OXCT1: variants seen among roughly 807,000 people sequenced by gnomAD.
OXCT1 encodes the protein 3-oxoacid CoA-transferase 1.
OXCT1 carries 27 observed loss-of-function variants against 69.6 expected under a neutral mutation model. The ratio of observed to expected loss-of-function variants is 0.39; its 90% confidence interval spans 0.29 to 0.54. OXCT1 has a LOEUF of 0.54. OXCT1 is among the 20% of genes least tolerant of loss of function. The pLI is 0.72. For synonymous variants in OXCT1, 202 were observed against 217.8 expected, an observed-to-expected ratio of 0.93 and a Z score of 0.64; for missense variants, 437 against 650.2, an observed-to-expected ratio of 0.67 and a Z score of 3.57.
chr5:41,846,112 G>C (rs956160888), intron 5 of OXCT1, among the ~76,000 whole-genome samples: 1 of 150,874 alleles, frequency 6.6e-6, no homozygotes, highest in Non-Finnish European at 1.5e-5. Context: ...ATTTATTTAT[G>C]TATGTATGTA....
chr5:41,847,100 C>A (rs1748949982), intron 5 of OXCT1, among the ~76,000 whole-genome samples: 2 of 151,768 alleles, frequency 1.3e-5, no homozygotes, highest in Non-Finnish European at 2.9e-5. Flanking sequence ...AAGGGGATAT[C>A]ACCACCGATC....
chr5:41,743,209 T>C (rs1743274274), intron 15 of OXCT1, among the ~76,000 whole-genome samples: 1 of 152,232 alleles, frequency 6.6e-6, no homozygotes, highest in Non-Finnish European at 1.5e-5. Flanking sequence ...TGGCTTTGAT[T>C]TGCATTTCTC....
intron 13 of OXCT1, among the ~76,000 whole-genome samples, chr5:41,779,448 C>T (rs1745289558): frequency 6.6e-6 from 1 of 152,166 alleles, no homozygotes; most frequent in Admixed American, 6.5e-5. Flanking sequence ...TGTACAAGCA[C>T]ATATAGAATG....
chr5:41,770,965 G>A (rs1464233663), intron 13 of OXCT1, among the ~76,000 whole-genome samples: 1 of 152,114 alleles, frequency 6.6e-6, no homozygotes, highest in Admixed American at 6.5e-5. Context: ...CTAACACATT[G>A]TCTATTGCAA....
chr5:41,840,622 A>C, intron 6 of OXCT1, 111 bp from the exon 7 acceptor site: 1 of 675,826 alleles, frequency 1.5e-6, no homozygotes, highest in Non-Finnish European at 2.6e-6. Context: ...GAATCTAAGA[A>C]TCTTTCCAAA....
intron 3 of OXCT1, 199 bp from the exon 4 acceptor site, chr5:41,853,753 A>G (rs1348037939): frequency 2.9e-6 from 2 of 684,382 alleles, no homozygotes; most frequent in East Asian, 2.9e-5. Flanking sequence ...GGAAACTAAA[A>G]GTCAAGAAGT....
At chr5:41,770,644 C>T (rs939271077) in intron 13 of OXCT1, among the ~76,000 whole-genome samples, 2 of 152,188 alleles carry the variant, frequency 1.3e-5, no homozygotes, top group African/African-American at 4.8e-5. Context: ...TGAATGCCCT[C>T]TCAATGTTTC....
At chr5:41,830,040 T>C (rs2112360605) in intron 7 of OXCT1, among the ~76,000 whole-genome samples, 1 of 152,338 alleles carries the variant, frequency 6.6e-6, no homozygotes, top group East Asian at 1.9e-4. Context: ...TGGCTAAATA[T>C]GTGGCACAGA....
intron 7 of OXCT1, among the ~76,000 whole-genome samples, chr5:41,811,217 TGTGA>T (rs1220357004): frequency 6.6e-6 from 1 of 151,830 alleles, no homozygotes; most frequent in East Asian, 1.9e-4. Context: ...GAAGAGGAAA[TGTGA>T]GTAAGACCTC....
intron 5 of OXCT1, 35 bp from the exon 6 acceptor site, chr5:41,842,816 G>T (rs1395237575): frequency 1.5e-6 from 2 of 1,356,598 alleles, no homozygotes; most frequent in Admixed American, 1.7e-5. Flanking sequence ...TCAGGTATTT[G>T]CATAGGTCTT....
At chr5:41,739,367 G>A in intron 16 of OXCT1, 23 bp downstream of exon 16, 2 of 1,418,140 alleles carry the variant, frequency 1.4e-6, no homozygotes, top group South Asian at 1.1e-5. Flanking sequence ...CAAGTGTCTG[G>A]ATTTGTTCAC....
chr5:41,733,369 C>G (rs1286573809), intron 16 of OXCT1, among the ~76,000 whole-genome samples: 1 of 151,924 alleles, frequency 6.6e-6, no homozygotes, highest in Non-Finnish European at 1.5e-5. Flanking sequence ...GCCTTAGCCT[C>G]CCAAGTAGCT....
chr5:41,743,047 T>C (rs2112015716), intron 15 of OXCT1, among the ~76,000 whole-genome samples: 1 of 152,326 alleles, frequency 6.6e-6, no homozygotes, highest in East Asian at 1.9e-4. Context: ...CCTTGAGGAA[T>C]CACCACACTG....
chr5:41,753,310 GACACACACACAC>G (rs56169527), intron 14 of OXCT1, among the ~76,000 whole-genome samples: 22 of 149,886 alleles, frequency 1.5e-4, no homozygotes, highest in Non-Finnish European at 2.2e-4. Context: ...CACACACATA[GACACACACACAC>G]ACACACACAC....
chr5:41,870,397 C>G lies in OXCT1; in HGVS notation c.-39G>C, dbSNP rs759807990. ...GGCAGGAGGAGGCTGCGGGTTGGAG[C>G]GCGCGTTTGAGCGTCGGTGCGCGAC... On this transcript the variant is annotated 5_prime_UTR_variant, in exon 1 of 17. Transcript: ENST00000196371. The surrounding 1 kb of genome is among the most constrained non-coding windows in gnomAD (Gnocchi z 4.2). The G allele has an allele frequency of 1.3e-6, 2 of 1,544,488 alleles. No homozygotes were observed. The highest frequency in any genetic ancestry group is 1.8e-6 in the Non-Finnish European group (2 of 1,121,764).
chr5:41,856,418 T>A (rs1399508581), intron 3 of OXCT1, among the ~76,000 whole-genome samples: 1 of 152,196 alleles, frequency 6.6e-6, no homozygotes, highest in Non-Finnish European at 1.5e-5. Context: ...GTGTTAAGTA[T>A]GTGACAAACC....
At chr5:41,814,797 G>A (rs1747154302) in intron 7 of OXCT1, among the ~76,000 whole-genome samples, 1 of 151,464 alleles carries the variant, frequency 6.6e-6, no homozygotes, top group Non-Finnish European at 1.5e-5. Context: ...AGTGGGTGCA[G>A]CGCACCAGCA....
intron 5 of OXCT1, among the ~76,000 whole-genome samples, chr5:41,848,468 A>G (rs1197839862): frequency 1.4e-5 from 2 of 146,182 alleles, no homozygotes; most frequent in East Asian, 1.9e-4. Flanking sequence ...AAGAGCCCGC[A>G]TCGCCAAGTC....
At chr5:41,732,783 G>A (rs1742697830) in intron 16 of OXCT1, among the ~76,000 whole-genome samples, 2 of 152,142 alleles carry the variant, frequency 1.3e-5, no homozygotes, top group Admixed American at 1.3e-4. Flanking sequence ...CCTAATAGAG[G>A]TTAAATCATC....
Sources: allele counts gnomAD v4.1 joint callset (sites outside exome capture counted in the v4.1 genomes callset), GRCh38; gene constraint gnomAD v4.1.1; non-coding constraint Gnocchi (gnomAD v3.1); transcripts MANE v1.5; gene names NCBI Gene and HGNC (gene_info 2026-07-23, HGNC 2026-07-21).